PTPRT: variants seen among roughly 807,000 people sequenced by gnomAD.
PTPRT encodes receptor-type tyrosine-protein phosphatase T.
A neutral mutation model predicts 176.8 loss-of-function variants in PTPRT; 56 were observed. That is an observed-to-expected ratio of 0.32 (90% confidence interval 0.26 to 0.40). The LOEUF (loss-of-function observed/expected upper bound fraction) is 0.40. PTPRT is among the 10% of genes least tolerant of loss of function. The pLI, the probability that PTPRT is intolerant of heterozygous loss-of-function variation, is 1.00. For missense variants in PTPRT, 1,540 were observed against 1,908.2 expected, an observed-to-expected ratio of 0.81 and a Z score of 3.60; for synonymous variants, 783 against 739.0, an observed-to-expected ratio of 1.06 and a Z score of -0.96.
At chr20:43,075,154 A>C (rs1477496708) in intron 1 of PTPRT, among the ~76,000 whole-genome samples, 1 of 152,224 alleles carries the variant, frequency 6.6e-6, no homozygotes, top group Non-Finnish European at 1.5e-5. Context: ...GCATCAAAAG[A>C]CTACTGTCTA....
At chr20:42,101,103 A>G (rs1429196111) in intron 26 of PTPRT, among the ~76,000 whole-genome samples, 6 of 152,200 alleles carry the variant, frequency 3.9e-5, no homozygotes, top group African/African-American at 1.4e-4. Context: ...GGCTAGATGG[A>G]TGTGAACTCA....
intron 7 of PTPRT, among the ~76,000 whole-genome samples, chr20:42,546,789 C>T (rs2072682342): frequency 6.6e-6 from 1 of 152,056 alleles, no homozygotes; most frequent in African/African-American, 2.4e-5. Context: ...GGGAGAATGA[C>T]AGGAGAATGG....
chr20:42,641,315 AC>A (rs1295514017), intron 7 of PTPRT, among the ~76,000 whole-genome samples: 1 of 152,156 alleles, frequency 6.6e-6, no homozygotes, highest in Non-Finnish European at 1.5e-5. Context: ...AATTGCATGA[AC>A]TGATAAAGTG....
At chr20:42,649,109 G>A (rs1241113947) in intron 7 of PTPRT, among the ~76,000 whole-genome samples, 4 of 152,044 alleles carry the variant, frequency 2.6e-5, no homozygotes, top group Admixed American at 6.5e-5. Context: ...CTGAGCCACT[G>A]TGCCCGGCCA....
chr20:42,408,110 C>G (rs1160114540), intron 9 of PTPRT, among the ~76,000 whole-genome samples: 1 of 152,078 alleles, frequency 6.6e-6, no homozygotes, highest in Non-Finnish European at 1.5e-5. Context: ...CAATTTCACT[C>G]AGAATCTTCA....
chr20:42,402,599 G>A (rs1195497612), intron 9 of PTPRT, among the ~76,000 whole-genome samples: 2 of 151,930 alleles, frequency 1.3e-5, no homozygotes, highest in African/African-American at 4.8e-5. Flanking sequence ...AATAATATGC[G>A]GCATTTACAA....
At chr20:42,041,457 G>A in the PTPRT span, among the ~76,000 whole-genome samples, 1 of 152,080 alleles carries the variant, frequency 6.6e-6, no homozygotes, top group Non-Finnish European at 1.5e-5. Flanking sequence ...TCAGTTCTTG[G>A]GTTGGTTTTT....
intron 9 of PTPRT, among the ~76,000 whole-genome samples, chr20:42,361,462 G>C (rs999973448): frequency 6.6e-6 from 1 of 152,268 alleles, no homozygotes; most frequent in Admixed American, 6.5e-5. Context: ...ATACAATGTA[G>C]GGGATGTGAT....
At chr20:42,261,716 G>C (rs889488587) in intron 13 of PTPRT, among the ~76,000 whole-genome samples, 7 of 152,106 alleles carry the variant, frequency 4.6e-5, no homozygotes, top group African/African-American at 1.7e-4. Context: ...TGCATAGCAG[G>C]GTGCACCAGA....
chr20:42,491,499 A>G (rs2071560948), intron 7 of PTPRT, among the ~76,000 whole-genome samples: 1 of 152,196 alleles, frequency 6.6e-6, no homozygotes, highest in African/African-American at 2.4e-5. Context: ...AAGGGGGAAT[A>G]CTGTGTCAAG....
chr20:42,139,739 G>A (rs1227099164), intron 18 of PTPRT, among the ~76,000 whole-genome samples: 3 of 152,254 alleles, frequency 2.0e-5, no homozygotes, highest in Admixed American at 1.3e-4. Flanking sequence ...TATCAGATAA[G>A]TGACTATATA....
intron 9 of PTPRT, among the ~76,000 whole-genome samples, chr20:42,412,457 A>G (rs1368055042): frequency 6.6e-6 from 1 of 152,222 alleles, no homozygotes; most frequent in Non-Finnish European, 1.5e-5. Context: ...GGACTCTTCG[A>G]TACAGTGCAA....
intron 13 of PTPRT, among the ~76,000 whole-genome samples, chr20:42,278,688 GCTCTGTCTC>G (rs2057089329): frequency 6.6e-6 from 1 of 152,166 alleles, no homozygotes; most frequent in Admixed American, 6.5e-5. Context: ...CCCTTGGCCT[GCTCTGTCTC>G]AGCCAGAGGA....
chr20:42,981,153 T>A (rs894369772), intron 1 of PTPRT, among the ~76,000 whole-genome samples: 2 of 152,236 alleles, frequency 1.3e-5, no homozygotes, highest in African/African-American at 2.4e-5. Flanking sequence ...TTGAATAATA[T>A]CTTCCTTGCC....
At chr20:42,920,224 T>C (rs1341677463) in intron 1 of PTPRT, among the ~76,000 whole-genome samples, 2 of 152,188 alleles carry the variant, frequency 1.3e-5, no homozygotes, top group African/African-American at 2.4e-5. Context: ...TTACCCAGCA[T>C]GAACTATTAA....
chr20:42,969,195 A>G (rs952085290), intron 1 of PTPRT: 1 of 152,228 alleles, frequency 6.6e-6, no homozygotes. Flanking sequence ...GCCATAAAAA[A>G]GAAAAGATTC....
At chr20:43,043,095 G>A (rs944799999) in intron 1 of PTPRT, among the ~76,000 whole-genome samples, 1 of 152,144 alleles carries the variant, frequency 6.6e-6, no homozygotes, top group Admixed American at 6.5e-5. Context: ...TGGCTTCCAG[G>A]ACTCTGGTCT....
rs563513817 is a variant in PTPRT, at chr20:42,183,817, G to C, written c.2491+15423C>G. 2.0e-4 allele frequency among the ~76,000 whole-genome samples: 31 copies of C among 152,218 alleles called. No individual in the cohort carries two copies. In the South Asian group the frequency reaches 6.2e-3, roughly 31 times the overall value. On this transcript the variant is annotated intron_variant, in intron 16 of 30. Coordinates refer to ENST00000373187, the MANE Select transcript of PTPRT (RefSeq NM_007050.6). ...AATGATACACAGCAGAAGTGAAGCT[G>C]GCTAGTTCTGAGCCTAGTTTTTAGG...
intron 9 of PTPRT, among the ~76,000 whole-genome samples, chr20:42,371,044 C>T (rs1294676016): frequency 6.6e-6 from 1 of 152,238 alleles, no homozygotes; most frequent in Non-Finnish European, 1.5e-5. Flanking sequence ...CTTCCCTGCT[C>T]AAGTCCAATG....
Sources: allele counts gnomAD v4.1 joint callset (sites outside exome capture counted in the v4.1 genomes callset), GRCh38; gene constraint gnomAD v4.1.1; transcripts MANE v1.5; gene names NCBI Gene and HGNC (gene_info 2026-07-23, HGNC 2026-07-21).